Variants in PLCL2 observed in about 807,000 individuals in gnomAD.
PLCL2 encodes inactive phospholipase C-like protein 2.
A neutral mutation model predicts 79.6 loss-of-function variants in PLCL2; 4 were observed. The observed-to-expected ratio is 0.05, with a 90% CI of 0.02 to 0.11. The LOEUF (loss-of-function observed/expected upper bound fraction) is 0.11. Among genes scored for constraint, PLCL2 ranks in the 10% least tolerant of loss-of-function variants. PLCL2 has a pLI of 1.00. For missense variants in PLCL2, 895 were observed against 1,291.0 expected (o/e 0.69, Z 4.70); for synonymous variants, 484 against 457.7 (o/e 1.06, Z -0.73).
At chr3:16,974,055 T>C (rs950381928) in intron 1 of PLCL2, among the ~76,000 whole-genome samples, 1 of 152,068 alleles carries the variant, frequency 6.6e-6, no homozygotes, top group African/African-American at 2.4e-5. Flanking sequence ...TCTAGGCAAC[T>C]AGAACAGAAT....
chr3:17,049,968 A>G (rs2064821845), intron 4 of PLCL2, among the ~76,000 whole-genome samples: 4 of 152,254 alleles, frequency 2.6e-5, no homozygotes, highest in East Asian at 1.9e-4. Context: ...TCGCATGATA[A>G]TGGTATAAAA....
At chr3:16,975,151 A>G (rs1416976277) in intron 1 of PLCL2, among the ~76,000 whole-genome samples, 1 of 152,216 alleles carries the variant, frequency 6.6e-6, no homozygotes, top group African/African-American at 2.4e-5. Flanking sequence ...AAGAACCAAA[A>G]AAAGTTCTTC....
intron 3 of PLCL2, among the ~76,000 whole-genome samples, chr3:17,038,470 T>G (rs912925611): frequency 7.2e-5 from 11 of 152,222 alleles, no homozygotes; most frequent in African/African-American, 2.4e-4. Flanking sequence ...TCTAGTGACG[T>G]ATCAGTGTAA....
intron 1 of PLCL2, among the ~76,000 whole-genome samples, chr3:16,929,408 C>T (rs1575534533): frequency 6.6e-6 from 1 of 152,072 alleles, no homozygotes; most frequent in Admixed American, 6.5e-5. Flanking sequence ...TCTGGGAAGG[C>T]GGGCAGGAAT....
intron 3 of PLCL2, among the ~76,000 whole-genome samples, chr3:17,027,782 A>G (rs182128141): frequency 2.6e-5 from 4 of 152,314 alleles, no homozygotes; most frequent in African/African-American, 9.6e-5. Flanking sequence ...CTCTGCTGGA[A>G]AAAGCAATGA....
chr3:17,065,823 T>A (rs1376413429), intron 4 of PLCL2, among the ~76,000 whole-genome samples: 4 of 152,182 alleles, frequency 2.6e-5, no homozygotes, highest in African/African-American at 9.7e-5. Context: ...ATATTTCTTG[T>A]TTGTAGAGAG....
intron 1 of PLCL2, among the ~76,000 whole-genome samples, chr3:16,897,255 CTA>C (rs1327234100): frequency 6.6e-6 from 1 of 151,342 alleles, no homozygotes; most frequent in Non-Finnish European, 1.5e-5. Flanking sequence ...ACAGTCTGCC[CTA>C]TGTGTCTTTT....
chr3:16,937,569 A>G (rs1697571043), intron 1 of PLCL2, among the ~76,000 whole-genome samples: 1 of 152,246 alleles, frequency 6.6e-6, no homozygotes, highest in East Asian at 1.9e-4. Flanking sequence ...TGCTGGCCGC[A>G]TAAGATTTGC....
At chr3:17,007,920 A>G (rs1276888135) in intron 1 of PLCL2, among the ~76,000 whole-genome samples, 1 of 152,242 alleles carries the variant, frequency 6.6e-6, no homozygotes, top group African/African-American at 2.4e-5. Context: ...AGGCAGTATC[A>G]TCTTTTAGGT....
intron 3 of PLCL2, among the ~76,000 whole-genome samples, chr3:17,030,788 C>T (rs946799500): frequency 3.3e-5 from 5 of 152,130 alleles, no homozygotes; most frequent in African/African-American, 4.8e-5. Flanking sequence ...CCTCTTTCAA[C>T]GAACGTCTAT....
intron 4 of PLCL2, among the ~76,000 whole-genome samples, chr3:17,064,928 C>CAAA (rs1395020243): frequency 1.7e-5 from 1 of 57,150 alleles, no homozygotes; most frequent in Non-Finnish European, 3.6e-5. Context: ...GACTCTGTCT[C>CAAA]AAAAAAAAAA....
At chr3:17,084,095 A>G (rs1423883426) in intron 5 of PLCL2, among the ~76,000 whole-genome samples, 1 of 152,222 alleles carries the variant, frequency 6.6e-6, no homozygotes, top group Non-Finnish European at 1.5e-5. Context: ...TCAGAAATGA[A>G]ATAAAGGATA....
intron 3 of PLCL2, among the ~76,000 whole-genome samples, chr3:17,037,452 C>G (rs1337145862): frequency 2.0e-5 from 3 of 152,168 alleles, no homozygotes; most frequent in Non-Finnish European, 2.9e-5. Context: ...ATCATAGAAT[C>G]CATGTGAAAG....
At chr3:17,055,904 C>T (rs1165078002) in intron 4 of PLCL2, among the ~76,000 whole-genome samples, 1 of 152,154 alleles carries the variant, frequency 6.6e-6, no homozygotes. Flanking sequence ...CTTTCTAGAG[C>T]AGCATAGAAC....
At chr3:17,020,942 A>G (rs2064444313) in intron 3 of PLCL2, among the ~76,000 whole-genome samples, 1 of 152,190 alleles carries the variant, frequency 6.6e-6, no homozygotes, top group Non-Finnish European at 1.5e-5. Context: ...ATCACACTTC[A>G]TAATTAATGG....
intron 1 of PLCL2, among the ~76,000 whole-genome samples, chr3:16,894,173 C>G (rs1000547733): frequency 1.3e-5 from 2 of 152,110 alleles, no homozygotes; most frequent in South Asian, 4.2e-4. Context: ...TGTATTTTTT[C>G]AAGTTATTTA....
At chr3:17,035,813 A>G (rs1373768088) in intron 3 of PLCL2, 1 of 510,500 alleles carries the variant, frequency 2.0e-6, no homozygotes, top group Admixed American at 1.9e-5. Flanking sequence ...AATATTTTAC[A>G]TGATTTCAAG....
At chr3:17,066,795 C>G (rs2065015076) in intron 4 of PLCL2, among the ~76,000 whole-genome samples, 1 of 152,132 alleles carries the variant, frequency 6.6e-6, no homozygotes, top group Non-Finnish European at 1.5e-5. Context: ...ATGCAGGACA[C>G]TGTACATAGT....
At chr3:16,945,431 T>C (rs2063592257) in intron 1 of PLCL2, among the ~76,000 whole-genome samples, 1 of 152,212 alleles carries the variant, frequency 6.6e-6, no homozygotes, top group Admixed American at 6.5e-5. Flanking sequence ...TTGTTCCTTG[T>C]ATATCCACAG....
Sources: allele counts gnomAD v4.1 joint callset (sites outside exome capture counted in the v4.1 genomes callset), GRCh38; gene constraint gnomAD v4.1.1; transcripts MANE v1.5; gene names NCBI Gene and HGNC (gene_info 2026-07-23, HGNC 2026-07-21).